CHL1: variants seen among roughly 807,000 people sequenced by gnomAD.
CHL1 encodes cell adhesion molecule L1 like, also known as neural cell adhesion molecule L1-like protein.
Under a neutral mutation model 141.9 loss-of-function variants are expected in CHL1, and 96 were observed. The observed-to-expected ratio is 0.68, with a 90% confidence interval of 0.57 to 0.80. CHL1 has a LOEUF of 0.80. Among genes scored for constraint, CHL1 ranks in the 30% least tolerant of loss-of-function variants. CHL1 has a pLI of 0.00. For missense variants in CHL1, 1,820 were observed against 1,457.2 expected (o/e 1.25, Z -4.05); for synonymous variants, 613 against 502.2 (o/e 1.22, Z -2.95).
chr3:344,002 G>T (rs1014115779), intron 8 of CHL1, among the ~76,000 whole-genome samples: 4 of 152,138 alleles, frequency 2.6e-5, no homozygotes, highest in Admixed American at 2.6e-4. Flanking sequence ...AATAAGAAAT[G>T]GGACACTTCA....
At chr3:242,350 A>C (rs1692673974) in intron 1 of CHL1, among the ~76,000 whole-genome samples, 1 of 149,594 alleles carries the variant, frequency 6.7e-6, no homozygotes, top group South Asian at 2.2e-4. Context: ...TAATCCCAGC[A>C]CTTTGGGAGG....
rs539610509 is a variant in CHL1 at position 349,267 on chromosome 3, AG to A, written c.849-91del. ...AGTGGAATATGAGCACATGTGTAAAAGCACCCTGATAAAGGATGTGTCCTAA... is the reference window on the plus strand; with the variant it reads ...AGTGGAATATGAGCACATGTGTAAAACACCCTGATAAAGGATGTGTCCTAA... On this transcript the variant is annotated intron_variant, in intron 9 of 27. Transcript: ENST00000256509. 695 of 1,104,402 alleles carry A rather than the reference AG, an allele frequency of 6.3e-4. 2 individuals are homozygous for A. Among genetic ancestry groups the A allele is most frequent in the Middle Eastern group, 1.9e-3 (7 of 3,614 alleles). The allele number at this position is 1,104,402 out of a possible 1,614,324, so 68.4% of individuals were successfully genotyped here.
intron 2 of CHL1, among the ~76,000 whole-genome samples, chr3:299,153 G>C (rs1193086809): frequency 6.6e-6 from 1 of 152,142 alleles, no homozygotes; most frequent in Non-Finnish European, 1.5e-5. Flanking sequence ...TAGTCTTAGA[G>C]AAGACACAGT....
chr3:247,680 G>T lies in CHL1; in HGVS notation c.-95+2988G>T, dbSNP rs1365467658. The T allele has an allele frequency of 2.6e-5, 4 of 152,184 alleles. No individual in the cohort carries two copies. The South Asian group carries it at 8.3e-4, about 32-fold the overall frequency. 9.4% of individuals were successfully genotyped at this position (152,184 alleles called of 1,614,324 possible). On this transcript the variant is annotated intron_variant, in intron 2 of 27. Transcript: ENST00000256509. ...CCATTTACACTTAAACATGGTTACT[G>T]ATGCGTCTTAATGTTGCCTTAACTA...
chr3:238,440 A>T (rs1380772572), intron 1 of CHL1, among the ~76,000 whole-genome samples: 4 of 152,120 alleles, frequency 2.6e-5, no homozygotes, highest in African/African-American at 9.7e-5. Flanking sequence ...AAAAATAGCC[A>T]GTTTTGATCT....
intron 2 of CHL1, among the ~76,000 whole-genome samples, chr3:279,220 T>G (rs1303491834): frequency 6.6e-6 from 1 of 152,168 alleles, no homozygotes; most frequent in East Asian, 1.9e-4. Context: ...ATAGTAAAAG[T>G]TTTTTGATCA....
chr3:240,904 T>G (rs981536847), intron 1 of CHL1, among the ~76,000 whole-genome samples: 2 of 152,214 alleles, frequency 1.3e-5, no homozygotes, highest in African/African-American at 4.8e-5. Context: ...ATCAGTTGGC[T>G]GTAAGTATTT....
chr3:401,583 A>G (rs1268269449), intron 26 of CHL1, 43 bp from the exon 27 acceptor site: 3 of 1,123,434 alleles, frequency 2.7e-6, no homozygotes, highest in Non-Finnish European at 4.0e-6. Flanking sequence ...TGTCTTTTAA[A>G]TGGTCACTGT....
chr3:347,967 A>T (rs1702906540), intron 9 of CHL1, among the ~76,000 whole-genome samples: 1 of 151,934 alleles, frequency 6.6e-6, no homozygotes, highest in Non-Finnish European at 1.5e-5. Context: ...TTTACCTCCA[A>T]TTTTTTTTGC....
chr3:243,803 A>G (rs1692897205), intron 1 of CHL1, among the ~76,000 whole-genome samples: 1 of 152,230 alleles, frequency 6.6e-6, no homozygotes, highest in African/African-American at 2.4e-5. Context: ...AGTTAGAATT[A>G]TTACATGGAA....
chr3:342,198 C>T lies in CHL1; in HGVS notation c.679+116C>T, dbSNP rs571190244. 5 of 847,430 alleles carry T rather than the reference C, an allele frequency of 5.9e-6. No homozygotes were observed. The African/African-American group carries it at 6.9e-5, about 12-fold the overall frequency. The allele number at this position is 847,430 out of a possible 1,614,324, so 52.5% of individuals were successfully genotyped here. On this transcript the variant is annotated intron_variant, in intron 7 of 27. Coordinates refer to ENST00000256509, the MANE Select transcript of CHL1 (RefSeq NM_006614.4). ...TGATATTTTGCACCATTGTGCAGTT[C>T]AACTCTGGAGACTTCTTCCAGATGA...
chr3:268,788 T>C (rs62228344), intron 2 of CHL1, among the ~76,000 whole-genome samples: 29,580 of 152,152 alleles, frequency 0.19, 2,981 homozygotes, highest in South Asian at 0.28. Flanking sequence ...TATTTAGATT[T>C]GAGTTCAAAT....
intron 15 of CHL1, among the ~76,000 whole-genome samples, chr3:366,375 G>A (rs1489595144): frequency 2.0e-5 from 3 of 151,616 alleles, no homozygotes; most frequent in Non-Finnish European, 4.4e-5. Context: ...AGAGGCTGGT[G>A]CACAAGAATC....
At chr3:231,951 T>C (rs997744244) in intron 1 of CHL1, among the ~76,000 whole-genome samples, 2 of 152,106 alleles carry the variant, frequency 1.3e-5, no homozygotes, top group Non-Finnish European at 2.9e-5. Context: ...TAGCCCAATA[T>C]AAATTTTATT....
At chr3:369,326 G>A (rs533729588) in intron 15 of CHL1, among the ~76,000 whole-genome samples, 1 of 151,990 alleles carries the variant, frequency 6.6e-6, no homozygotes, top group South Asian at 2.1e-4. Context: ...TCCCTTGTTA[G>A]CTGTATTCCT....
intron 5 of CHL1, among the ~76,000 whole-genome samples, chr3:340,124 C>A (rs550262366): frequency 6.6e-6 from 1 of 152,142 alleles, no homozygotes; most frequent in East Asian, 1.9e-4. Context: ...CTGCATTGCT[C>A]TTTTAAGAAA....
At chr3:290,846 G>T (rs927416098) in intron 2 of CHL1, among the ~76,000 whole-genome samples, 3 of 151,000 alleles carry the variant, frequency 2.0e-5, no homozygotes, top group East Asian at 2.0e-4. Context: ...TGAGGCAGGA[G>T]AATTGCTTGA....
intron 3 of CHL1, among the ~76,000 whole-genome samples, 161 bp downstream of exon 3, chr3:320,028 G>T (rs900882687): frequency 2.6e-5 from 4 of 151,884 alleles, no homozygotes; most frequent in Admixed American, 2.0e-4. Flanking sequence ...TTCGTTTTGT[G>T]GGTGGCTGAT....
At chr3:313,998 A>T (rs1019593899) in intron 2 of CHL1, among the ~76,000 whole-genome samples, 3 of 152,182 alleles carry the variant, frequency 2.0e-5, no homozygotes, top group African/African-American at 7.2e-5. Context: ...ATACACACTG[A>T]TGTTTAAAGA....
Sources: gnomAD v4.1 joint callset for allele counts (sites outside exome capture counted in the v4.1 genomes callset) on GRCh38, gnomAD v4.1.1 for gene constraint, MANE v1.5 for transcripts, NCBI Gene and HGNC (gene_info 2026-07-23, HGNC 2026-07-21) for gene names.